Variants in NCOA2 observed in about 807,000 individuals in gnomAD.
NCOA2 encodes the protein nuclear receptor coactivator 2.
A neutral mutation model predicts 145.1 loss-of-function variants in NCOA2; 21 were observed. The observed-to-expected ratio is 0.14, with a 90% CI of 0.10 to 0.21. The LOEUF (loss-of-function observed/expected upper bound fraction) is 0.21. Ranked by LOEUF, NCOA2 falls within the 10% of genes least tolerant of loss-of-function variation. The probability of loss-of-function intolerance (pLI) is 1.00; values close to 1 mark genes in which losing one functional copy is unlikely to be tolerated. For synonymous variants in NCOA2, 619 were observed against 637.5 expected, an observed-to-expected ratio of 0.97 and a Z score of 0.44; for missense variants, 1,472 against 1,837.6, an observed-to-expected ratio of 0.80 and a Z score of 3.64.
chr8:70,306,602 G>A (rs961894542), intron 1 of NCOA2, among the ~76,000 whole-genome samples: 3 of 152,112 alleles, frequency 2.0e-5, no homozygotes, highest in Non-Finnish European at 4.4e-5. Context: ...CATGCTGGTC[G>A]GGCTCAGTGG....
At chr8:70,359,467 T>C (rs1810021620) in intron 1 of NCOA2, among the ~76,000 whole-genome samples, 1 of 152,098 alleles carries the variant, frequency 6.6e-6, no homozygotes, top group Non-Finnish European at 1.5e-5. Context: ...AGAAACAAGG[T>C]ACAATAGAAT....
At chr8:70,263,500 A>C (rs114612197) in intron 2 of NCOA2, among the ~76,000 whole-genome samples, 1,621 of 152,182 alleles carry the variant, frequency 0.011, 42 homozygotes, top group African/African-American at 0.037. Context: ...CTTTTTCACC[A>C]AAGTTGATCT....
chr8:70,373,444 T>C (rs1172831357), intron 1 of NCOA2, among the ~76,000 whole-genome samples: 1 of 152,236 alleles, frequency 6.6e-6, no homozygotes, highest in Non-Finnish European at 1.5e-5. Flanking sequence ...CTTTACATAT[T>C]CTAGATAAAA....
intron 2 of NCOA2, among the ~76,000 whole-genome samples, chr8:70,289,513 T>C (rs1194236137): frequency 6.6e-6 from 1 of 152,184 alleles, no homozygotes; most frequent in Non-Finnish European, 1.5e-5. Context: ...GGAAACATGA[T>C]AAAACCATGC....
intron 2 of NCOA2, among the ~76,000 whole-genome samples, chr8:70,224,621 A>G (rs1820450362): frequency 6.6e-6 from 1 of 152,164 alleles, no homozygotes; most frequent in Non-Finnish European, 1.5e-5. Flanking sequence ...GCAGATTTGT[A>G]TGATTTTTTC....
intron 10 of NCOA2, among the ~76,000 whole-genome samples, chr8:70,159,244 T>TATATATATATATATATATGTATAGATA: frequency 1.4e-5 from 1 of 69,304 alleles, no homozygotes; most frequent in African/African-American, 5.2e-5. Flanking sequence ...ATATATATAT[T>TATATATATATATATATATGTATAGATA]TTTTTTTTTT....
intron 4 of NCOA2, among the ~76,000 whole-genome samples, chr8:70,211,131 T>C (rs1818972328): frequency 6.6e-6 from 1 of 151,992 alleles, no homozygotes; most frequent in Admixed American, 6.6e-5. Context: ...TACGCATGGG[T>C]TGCACAGATT....
chr8:70,270,110 A>G (rs1389332501), intron 2 of NCOA2, among the ~76,000 whole-genome samples: 1 of 151,964 alleles, frequency 6.6e-6, no homozygotes, highest in African/African-American at 2.4e-5. Context: ...TGAGCCAGGG[A>G]GGTCGAGGCT....
intron 2 of NCOA2, among the ~76,000 whole-genome samples, chr8:70,236,730 T>C (rs775580607): frequency 6.6e-6 from 1 of 152,176 alleles, no homozygotes; most frequent in South Asian, 2.1e-4. Context: ...ATAACAACTA[T>C]GTGCATAGCA....
At chr8:70,237,299 GCTGT>G (rs1821712711) in intron 2 of NCOA2, among the ~76,000 whole-genome samples, 1 of 152,104 alleles carries the variant, frequency 6.6e-6, no homozygotes, top group Non-Finnish European at 1.5e-5. Flanking sequence ...TTGAACCCGC[GCTGT>G]CTGACTCTAA....
intron 4 of NCOA2, among the ~76,000 whole-genome samples, chr8:70,179,253 A>G (rs1367499489): frequency 6.6e-6 from 1 of 152,204 alleles, no homozygotes; most frequent in Non-Finnish European, 1.5e-5. Context: ...AAAAAGAAAA[A>G]AATCAATAAT....
chr8:70,167,362 C>T (rs1813733445), intron 6 of NCOA2, among the ~76,000 whole-genome samples: 2 of 152,188 alleles, frequency 1.3e-5, no homozygotes, highest in Admixed American at 6.5e-5. Context: ...TCCCCATGCT[C>T]CACCATACCG....
intron 8 of NCOA2, 57 bp from the exon 9 acceptor site, chr8:70,162,911 A>AT (rs10641831): frequency 0.049 from 43,311 of 885,704 alleles, 263 homozygotes; most frequent in African/African-American, 0.061. Flanking sequence ...TATGGAAATA[A>AT]TTTTTTTTTT....
intron 1 of NCOA2, among the ~76,000 whole-genome samples, chr8:70,378,317 A>C (rs1014681095): frequency 2.0e-5 from 3 of 152,120 alleles, no homozygotes; most frequent in Non-Finnish European, 4.4e-5. Context: ...ATATTATTTT[A>C]AATCTTTTAT....
intron 2 of NCOA2, chr8:70,245,237 AT>A: frequency 6.6e-6 from 1 of 152,184 alleles, no homozygotes; most frequent in African/African-American, 2.4e-5. Context: ...TATCTCCTCT[AT>A]CATTTGTTTC....
At chr8:70,163,729 G>C (rs1157605444) in intron 7 of NCOA2, among the ~76,000 whole-genome samples, 163 bp from the exon 8 acceptor site, 1 of 152,182 alleles carries the variant, frequency 6.6e-6, no homozygotes, top group Non-Finnish European at 1.5e-5. Flanking sequence ...TTCTCTTCAT[G>C]AAAGTGGTAG....
intron 1 of NCOA2, among the ~76,000 whole-genome samples, chr8:70,314,843 T>G (rs1805460162): frequency 6.6e-6 from 1 of 152,188 alleles, no homozygotes; most frequent in Non-Finnish European, 1.5e-5. Context: ...AACGCAAGTG[T>G]GCTATGTAAT....
chr8:70,334,803 T>C (rs1807420009), intron 1 of NCOA2, among the ~76,000 whole-genome samples: 1 of 152,106 alleles, frequency 6.6e-6, no homozygotes, highest in Non-Finnish European at 1.5e-5. Flanking sequence ...TACCAGCTCT[T>C]AGTAATATTC....
At chr8:70,423,176 T>TTTTTG in the NCOA2 span, among the ~76,000 whole-genome samples, 34 of 152,092 alleles carry the variant, frequency 2.2e-4, no homozygotes, top group African/African-American at 5.3e-4. Flanking sequence ...TTCTTGTGGT[T>TTTTTG]TTTTGTTTTG....
Sources: allele counts gnomAD v4.1 joint callset (sites outside exome capture counted in the v4.1 genomes callset), GRCh38; gene constraint gnomAD v4.1.1; transcripts MANE v1.5; gene names NCBI Gene and HGNC (gene_info 2026-07-23, HGNC 2026-07-21).